Variants in ACBD5 observed in about 807,000 individuals in gnomAD.
The protein encoded by ACBD5 is acyl-CoA binding domain containing 5.
A neutral mutation model predicts 71.8 loss-of-function variants in ACBD5; 40 were observed. The observed-to-expected ratio is 0.56, with a 90% confidence interval of 0.43 to 0.72. The LOEUF (loss-of-function observed/expected upper bound fraction) is 0.72, where lower values mean the gene tolerates loss of function less well. Ranked by LOEUF, ACBD5 falls within the 30% of genes least tolerant of loss-of-function variation. The probability of loss-of-function intolerance (pLI) is 0.00; values close to 1 mark genes in which losing one functional copy is unlikely to be tolerated. For synonymous variants in ACBD5, 229 were observed against 218.6 expected, an observed-to-expected ratio of 1.05 and a Z score of -0.42; for missense variants, 559 against 644.5, an observed-to-expected ratio of 0.87 and a Z score of 1.44.
At chr10:27,204,796 G>C (rs788204) in intron 11 of ACBD5, among the ~76,000 whole-genome samples, 2,944 of 152,252 alleles carry the variant, frequency 0.019, 30 homozygotes, top group Non-Finnish European at 0.028. Context: ...CATTTGGAAT[G>C]ATTTAAAGAT....
At chr10:27,234,472 T>C (rs1009107444) in intron 3 of ACBD5, among the ~76,000 whole-genome samples, 3 of 143,348 alleles carry the variant, frequency 2.1e-5, no homozygotes, top group Non-Finnish European at 4.5e-5. Context: ...TTAACTTAGG[T>C]TGGGAGTTGC....
intron 8 of ACBD5, among the ~76,000 whole-genome samples, chr10:27,214,902 G>A (rs901293321): frequency 6.6e-6 from 1 of 152,080 alleles, no homozygotes; most frequent in East Asian, 1.9e-4. Context: ...AATGCCTCAC[G>A]TCCATAATCC....
At chr10:27,186,526 T>A in intron 13 of ACBD5, 1 of 1,614,060 alleles carries the variant, frequency 6.2e-7, no homozygotes, top group Non-Finnish European at 8.5e-7. Context: ...GTATCTGGAT[T>A]TAGTCTGTAG....
intron 7 of ACBD5, 85 bp from the exon 8 acceptor site, chr10:27,215,726 G>A: frequency 2.1e-6 from 2 of 970,844 alleles, no homozygotes; most frequent in Non-Finnish European, 3.1e-6. Flanking sequence ...TTGAGATGGA[G>A]TCTTGCTCTG....
chr10:27,237,651 G>T (rs1201234653), intron 2 of ACBD5, among the ~76,000 whole-genome samples: 1 of 129,296 alleles, frequency 7.7e-6, no homozygotes, highest in Admixed American at 9.0e-5. Flanking sequence ...TTGGAGTCTG[G>T]CTCTTGTCAC....
chr10:27,236,037 T>TGG (rs1402200162), intron 2 of ACBD5, among the ~76,000 whole-genome samples: 2 of 150,436 alleles, frequency 1.3e-5, no homozygotes, highest in Admixed American at 1.3e-4. Flanking sequence ...CTCCTGAGCC[T>TGG]GGGGAGGTCA....
chr10:27,225,669 G>C (rs1040586488), intron 4 of ACBD5, among the ~76,000 whole-genome samples: 3 of 152,074 alleles, frequency 2.0e-5, no homozygotes, highest in Middle Eastern at 3.2e-3. Context: ...TAATATATTT[G>C]AATTATAATA....
intron 8 of ACBD5, among the ~76,000 whole-genome samples, chr10:27,211,407 A>G (rs891752424): frequency 7.3e-5 from 11 of 151,442 alleles, no homozygotes; most frequent in African/African-American, 2.7e-4. Context: ...TGCAACCTCC[A>G]CCTCCCGGGT....
intron 6 of ACBD5, among the ~76,000 whole-genome samples, chr10:27,219,157 C>T (rs567796535): frequency 8.6e-5 from 13 of 151,752 alleles, no homozygotes; most frequent in Non-Finnish European, 1.9e-4. Context: ...CAAAAATTAG[C>T]GGGGTGTGGT....
In ACBD5 at chr10:27,210,831, T is replaced by G; in HGVS notation, c.1187A>C (p.Asn396Thr). Reference sequence around the variant, plus strand: ...ATCCACACCTCTTCCTCTTCTAACATTAGAGAATTCGTCAGTTTCTCCGCC... The same window carrying G: ...ATCCACACCTCTTCCTCTTCTAACAGTAGAGAATTCGTCAGTTTCTCCGCC... Reference protein sequence around the residue: ...KRGGETDEFSNVRRGRGHRMQ... With the variant: ...KRGGETDEFSTVRRGRGHRMQ... The change falls in exon 9 of 13, where the codon AAT becomes ACT. Residue 396 changes from asparagine to threonine, a missense_variant. Transcript: ENST00000396271. 2.5e-6 allele frequency: 4 copies of G among 1,614,190 alleles called. No homozygotes were observed. The highest frequency in any genetic ancestry group is 3.4e-6 in the Non-Finnish European group (4 of 1,180,024).
intron 3 of ACBD5, among the ~76,000 whole-genome samples, chr10:27,233,419 C>A (rs1340299735): frequency 2.6e-5 from 3 of 117,382 alleles, no homozygotes; most frequent in Non-Finnish European, 5.2e-5. Context: ...GAGTGAGACT[C>A]CGTCTGAAGA....
At chr10:27,192,863 A>G (rs2136373633), downstream of ACBD5, among the ~76,000 whole-genome samples, 2 of 151,808 alleles carry the variant, frequency 1.3e-5, no homozygotes, top group Middle Eastern at 6.8e-3. Flanking sequence ...CCAGCTACTC[A>G]GGAAGCTGAG....
At chr10:27,220,752 T>C (rs571388323) in intron 5 of ACBD5, among the ~76,000 whole-genome samples, 1 of 152,110 alleles carries the variant, frequency 6.6e-6, no homozygotes, top group East Asian at 1.9e-4. Context: ...TCTTGAAAAA[T>C]AACAAAATTG....
rs146174018 is a variant in ACBD5 at position 27,195,525 on chromosome 10, A to G, written c.*1905T>C. On this transcript the variant is annotated 3_prime_UTR_variant, in exon 13 of 13. Coordinates refer to ENST00000396271, the MANE Select transcript of ACBD5 (RefSeq NM_145698.5). ...GCATTTTATTTATTTATATACTAAGAGAAAAGACACTTTTTACTGATACCA... is the reference window on the plus strand; with the variant it reads ...GCATTTTATTTATTTATATACTAAGGGAAAAGACACTTTTTACTGATACCA... 1 of 453,342 alleles carries G rather than the reference A, an allele frequency of 2.2e-6. No homozygotes were observed. Among genetic ancestry groups the G allele is most frequent in the African/African-American group, 2.0e-5 (1 of 50,080 alleles). 28.1% of individuals were successfully genotyped at this position (453,342 alleles called of 1,614,324 possible).
chr10:27,219,465 G>A (rs1169698480), intron 6 of ACBD5, among the ~76,000 whole-genome samples: 1 of 152,154 alleles, frequency 6.6e-6, no homozygotes, highest in Non-Finnish European at 1.5e-5. Flanking sequence ...GTCTAATGCA[G>A]CATTTCAGGC....
intron 9 of ACBD5, 127 bp downstream of exon 9, chr10:27,210,687 G>A: frequency 8.1e-7 from 1 of 1,236,390 alleles, no homozygotes; most frequent in Admixed American, 2.0e-5. Flanking sequence ...GAACCCGGGA[G>A]GCAGAGGTTG....
chr10:27,235,278 A>C (rs2064504047), intron 2 of ACBD5, 66 bp from the exon 3 acceptor site: 2 of 1,572,952 alleles, frequency 1.3e-6, no homozygotes, highest in Non-Finnish European at 1.7e-6. Flanking sequence ...GTTATAAATT[A>C]GCTTAGCTAT....
At chr10:27,209,898 A>G (rs1011683244) in intron 9 of ACBD5, among the ~76,000 whole-genome samples, 2 of 152,156 alleles carry the variant, frequency 1.3e-5, no homozygotes, top group Admixed American at 1.3e-4. Flanking sequence ...ACCATTCTCC[A>G]CTTTTGGATA....
Position 27,218,060 on chromosome 10 carries a change from T to C in ACBD5, c.749A>G (p.Asn250Ser), listed in dbSNP as rs532867319. 6.2e-6 allele frequency: 10 copies of C among 1,614,198 alleles called. No individual in the cohort carries two copies. The East Asian group carries it at 2.2e-4, about 36-fold the overall frequency. ...QNDIHASSSL[N>S]GRSTEEVKPI... is the part of the protein sequence containing the mutation. ...CTTTACTTCTTCAGTGCTTCTGCCA[T>C]TCAGGGAAGAACTGGCATGAATGTC... The change falls in exon 7 of 13, where the codon AAT becomes AGT. Residue 250 changes from asparagine to serine, a missense_variant. Asn to Ser is a conservative substitution (Grantham distance 46). Transcript: ENST00000396271.
Sources: gnomAD v4.1 joint callset for allele counts (sites outside exome capture counted in the v4.1 genomes callset) on GRCh38, gnomAD v4.1.1 for gene constraint, MANE v1.5 for transcripts, NCBI Gene and HGNC (gene_info 2026-07-23, HGNC 2026-07-21) for gene names.